ODF2: variants seen among roughly 807,000 people sequenced by gnomAD.
ODF2 encodes the protein outer dense fiber of sperm tails 2.
A neutral mutation model predicts 110.2 loss-of-function variants in ODF2; 47 were observed. That is an observed-to-expected ratio of 0.43 (90% CI 0.34 to 0.54). The LOEUF is 0.54. ODF2 is among the 20% of genes least tolerant of loss of function. The probability of loss-of-function intolerance (pLI) is 0.03; values close to 1 mark genes in which losing one functional copy is unlikely to be tolerated. For missense variants in ODF2, 812 were observed against 1,054.5 expected (o/e 0.77, Z 3.19); for synonymous variants, 352 against 397.7 (o/e 0.89, Z 1.37).
At chr9:128,491,059 G>A (rs915331130) in intron 14 of ODF2, among the ~76,000 whole-genome samples, 1 of 151,382 alleles carries the variant, frequency 6.6e-6, no homozygotes, top group Non-Finnish European at 1.5e-5. Context: ...TACCATGTTG[G>A]CCAGGCTGAT....
At chr9:128,460,332 A>G in intron 3 of ODF2, 1 of 1,434,628 alleles carries the variant, frequency 7.0e-7, no homozygotes, top group Non-Finnish European at 9.2e-7. Context: ...TGAGTGGACC[A>G]GAATCTCCCT....
chr9:128,469,842 T>C (rs1049998315), intron 5 of ODF2, among the ~76,000 whole-genome samples: 2 of 148,716 alleles, frequency 1.3e-5, no homozygotes, highest in Admixed American at 6.8e-5. Flanking sequence ...AAATTAGCCA[T>C]GCGTGGTGGC....
intron 13 of ODF2, among the ~76,000 whole-genome samples, chr9:128,486,830 G>C (rs1295267030): frequency 2.0e-5 from 3 of 152,172 alleles, no homozygotes; most frequent in African/African-American, 7.2e-5. Flanking sequence ...CCCTGCTGGG[G>C]GTACAAAAGC....
At chr9:128,500,314 G>A (rs1846329339) in exon 21 of ODF2, 1 of 1,563,540 alleles carries the variant, frequency 6.4e-7, no homozygotes, top group African/African-American at 1.4e-5. Flanking sequence ...GAGTTGCCAA[G>A]CCATAGCTGA....
intron 5 of ODF2, 181 bp downstream of exon 5, chr9:128,469,534 A>G: frequency 1.6e-6 from 1 of 625,000 alleles, no homozygotes; most frequent in East Asian, 2.7e-5. Flanking sequence ...ATCCCATCCC[A>G]CCAACAAGGG....
At chr9:128,469,394 A>T in intron 5 of ODF2, 41 bp downstream of exon 5, 1 of 1,603,128 alleles carries the variant, frequency 6.2e-7, no homozygotes, top group South Asian at 1.1e-5. Flanking sequence ...TACCCTGAGG[A>T]TGTGCAGGAG....
chr9:128,497,049 G>T (rs1024664386), intron 18 of ODF2, among the ~76,000 whole-genome samples: 1 of 152,170 alleles, frequency 6.6e-6, no homozygotes, highest in South Asian at 2.1e-4. Context: ...TTTCATGGTG[G>T]TGGTGTGAGT....
intron 19 of ODF2, among the ~76,000 whole-genome samples, 168 bp from the exon 20 acceptor site, chr9:128,498,833 C>T (rs958765911): frequency 1.1e-4 from 17 of 152,216 alleles, no homozygotes; most frequent in African/African-American, 3.4e-4. Flanking sequence ...AGCTGGGTGG[C>T]AGGCATAGTC....
At chr9:128,465,773 AG>A (rs1384933860) in intron 4 of ODF2, among the ~76,000 whole-genome samples, 3 of 151,612 alleles carry the variant, frequency 2.0e-5, no homozygotes, top group Non-Finnish European at 4.4e-5. Context: ...ATTTTTATTT[AG>A]GGAAATTTGA....
chr9:128,489,432 A>C (rs1844084068), intron 14 of ODF2, among the ~76,000 whole-genome samples: 1 of 152,208 alleles, frequency 6.6e-6, no homozygotes, highest in Admixed American at 6.5e-5. Flanking sequence ...ACCCCTGTAA[A>C]GGTAACTGCT....
chr9:128,494,841 A>G lies in ODF2; in HGVS notation c.1911+173A>G, dbSNP rs1845311231. 1.3e-6 allele frequency: 2 copies of G among 1,497,842 alleles called. No homozygotes were observed. The highest frequency in any genetic ancestry group is 1.8e-6 in the Non-Finnish European group (2 of 1,124,104). 92.8% of individuals were successfully genotyped at this position (1,497,842 alleles called of 1,614,324 possible). ...ATAAAAGTCTGGTGTGCCAAATGCC[A>G]TGTGTTTGCACAAAGTGATTGTAGT... is the stretch of plus-strand genomic sequence containing the variant. On this transcript the variant is annotated intron_variant, in intron 17 of 20. Coordinates refer to ENST00000604420, the Ensembl canonical transcript of ODF2. This position sits in a 1 kb window ranked among gnomAD's most constrained non-coding sequence, Gnocchi z 4.6.
chr9:128,457,955 T>C (rs971330835), intron 2 of ODF2, among the ~76,000 whole-genome samples: 49 of 148,970 alleles, frequency 3.3e-4, no homozygotes, highest in African/African-American at 1.1e-3. Context: ...TTTTTTTTTT[T>C]CCCCTCTTTT....
intron 8 of ODF2, among the ~76,000 whole-genome samples, chr9:128,477,291 G>A (rs926038610): frequency 2.6e-5 from 4 of 151,456 alleles, no homozygotes; most frequent in East Asian, 3.9e-4. Flanking sequence ...GCTCACGCCT[G>A]TAATTCCCAC....
chr9:128,485,106 G>A lies in ODF2; in HGVS notation c.1290+220G>A, dbSNP rs569036875. Among the ~76,000 whole-genome samples the A allele has an allele frequency of 6.6e-6, 1 of 152,288 alleles. No homozygotes were observed. The highest frequency in any genetic ancestry group is 2.4e-5 in the African/African-American group (1 of 41,562). ...CTGGAGATGATTGGAGGCTTTGTAG[G>A]AGAGTTCAGCCACATCAGCTTTGTG... is the stretch of plus-strand genomic sequence containing the variant. On this transcript the variant is annotated intron_variant, in intron 12 of 20. Transcript: ENST00000604420. This position sits in a 1 kb window ranked among gnomAD's most constrained non-coding sequence, Gnocchi z 5.0.
At chr9:128,460,755 T>C (rs1234443029) in intron 3 of ODF2, 89 bp downstream of exon 3, 2 of 1,561,876 alleles carry the variant, frequency 1.3e-6, no homozygotes, top group East Asian at 2.3e-5. Flanking sequence ...CTCCAAAGGT[T>C]TGGGAGACAA....
chr9:128,473,202 C>T, intron 7 of ODF2, 160 bp downstream of exon 7: 1 of 985,168 alleles, frequency 1.0e-6, no homozygotes, highest in Non-Finnish European at 1.2e-6. Context: ...CTCTCACTTC[C>T]CAATCCTTGA....
chr9:128,469,617 G>T (rs1826461416), intron 5 of ODF2: 1 of 493,626 alleles, frequency 2.0e-6, no homozygotes, highest in African/African-American at 1.9e-5. Flanking sequence ...ACAACAGCAT[G>T]TGAAGCCAGT....
At chr9:128,477,632 G>T (rs1466817224) in intron 8 of ODF2, among the ~76,000 whole-genome samples, 1 of 150,028 alleles carries the variant, frequency 6.7e-6, no homozygotes, top group Non-Finnish European at 1.5e-5. Flanking sequence ...TTGAGACGGA[G>T]TCTCGCTCTG....
chr9:128,500,206 C>A (rs1481087609), exon 21 of ODF2: 1 of 1,614,216 alleles, frequency 6.2e-7, no homozygotes, highest in East Asian at 2.2e-5. Flanking sequence ...GGTCCCTATT[C>A]CACCTTCCTG....
Sources: gnomAD v4.1 joint callset for allele counts (sites outside exome capture counted in the v4.1 genomes callset) on GRCh38, gnomAD v4.1.1 for gene constraint, Gnocchi (gnomAD v3.1) non-coding constraint, MANE v1.5 for transcripts, NCBI Gene and HGNC (gene_info 2026-07-23, HGNC 2026-07-21) for gene names.